MYOM3: variants seen among roughly 807,000 people sequenced by gnomAD.
MYOM3 encodes myomesin-3.
Under a neutral mutation model 191.7 loss-of-function variants are expected in MYOM3, and 155 were observed. The ratio of observed to expected loss-of-function variants is 0.81; its 90% CI spans 0.71 to 0.92. The LOEUF is 0.92. Among genes scored for constraint, MYOM3 ranks in the 40% least tolerant of loss-of-function variants. MYOM3 has a pLI of 0.00. For synonymous variants in MYOM3, 757 were observed against 762.9 expected, an observed-to-expected ratio of 0.99 and a Z score of 0.13; for missense variants, 1,889 against 1,890.6, an observed-to-expected ratio of 1.00 and a Z score of 0.02.
At chr1:24,069,292 C>T (rs1324751661) in intron 25 of MYOM3, among the ~76,000 whole-genome samples, 1 of 152,190 alleles carries the variant, frequency 6.6e-6, no homozygotes, top group Non-Finnish European at 1.5e-5. Flanking sequence ...ACTAATGAGT[C>T]CAGACTTTGT....
At chr1:24,061,175 GA>G in intron 34 of MYOM3, 93 bp from the exon 35 acceptor site, 1 of 1,606,568 alleles carries the variant, frequency 6.2e-7, no homozygotes, top group Admixed American at 1.7e-5. Flanking sequence ...AGGAAAGGTG[GA>G]GCTGGCTGGG....
At position 24,109,085 on chromosome 1, in the gene MYOM3, C is replaced by T. The variant is rs145620185; in HGVS notation, c.-18-431G>A. 3.1e-3 allele frequency among the ~76,000 whole-genome samples: 470 copies of T among 152,348 alleles called. 1 individual carries two copies. The highest frequency in any genetic ancestry group is 9.9e-3 in the African/African-American group (410 of 41,570). On this transcript the variant is annotated intron_variant, in intron 1 of 36. Transcript: ENST00000374434. ...AGGACGGGCAGGCGTCCCCATTCTT[C>T]CTGCACCGGCCATGTTCAGTCCTAC...
At chr1:24,072,666 C>G (rs1486783312) in intron 23 of MYOM3, among the ~76,000 whole-genome samples, 4 of 152,138 alleles carry the variant, frequency 2.6e-5, no homozygotes, top group Non-Finnish European at 4.4e-5. Context: ...TCCCAAGTAG[C>G]TGGGATTACA....
chr1:24,066,094 T>C, intron 28 of MYOM3, 93 bp from the exon 29 acceptor site: 2 of 820,420 alleles, frequency 2.4e-6, no homozygotes, highest in Non-Finnish European at 4.4e-6. Context: ...CTCAGTGGAG[T>C]CCTTTCACAT....
Position 24,063,643 on chromosome 1 carries a change from G to A in MYOM3, c.3623-113C>T, listed in dbSNP as rs925856479. 6 of 1,190,396 alleles carry A rather than the reference G, an allele frequency of 5.0e-6. No individual in the cohort carries two copies. In the African/African-American group the frequency reaches 7.5e-5, roughly 15 times the overall value. 73.7% of individuals were successfully genotyped at this position (1,190,396 alleles called of 1,614,324 possible). A position where few individuals can be genotyped will look rare whatever the true frequency, so the allele number is the denominator to read the frequency against. ...GGAGCCCGTGAGCTGCTCTCAGGGGGACAGGCAACTCTGTAGGATGACTCT... is the reference window on the plus strand; with the variant it reads ...GGAGCCCGTGAGCTGCTCTCAGGGGAACAGGCAACTCTGTAGGATGACTCT... On this transcript the variant is annotated intron_variant, in intron 30 of 36. Coordinates refer to ENST00000374434, the MANE Select transcript of MYOM3 (RefSeq NM_152372.4). The surrounding 1 kb of genome is among the most constrained non-coding windows in gnomAD (Gnocchi z 4.5).
rs1643539782 is a variant in MYOM3, at chr1:24,072,132, C to A, written c.2969-119G>T. ...TGGGTCAAAATTCCAAGAGACACCT[C>A]CCCCGACCTTGGGGTTCCTTGGCTC... On this transcript the variant is annotated intron_variant, in intron 23 of 36. Coordinates refer to ENST00000374434, the MANE Select transcript of MYOM3 (RefSeq NM_152372.4). The A allele has an allele frequency of 4.1e-6, 4 of 964,590 alleles. No individual in the cohort carries two copies. The Admixed American group carries it at 5.9e-5, about 14-fold the overall frequency. 59.8% of individuals were successfully genotyped at this position (964,590 alleles called of 1,614,324 possible).
At chr1:24,081,911 A>T in intron 18 of MYOM3, 90 bp downstream of exon 18, 1 of 1,278,652 alleles carries the variant, frequency 7.8e-7, no homozygotes, top group Non-Finnish European at 1.1e-6. Context: ...GACTTCTGTC[A>T]GCCTCTGTCA....
rs771374847 is a variant in MYOM3, at chr1:24,090,059, G to A, written c.1486+6C>T. 8 of 1,613,540 alleles carry A rather than the reference G, an allele frequency of 5.0e-6. No homozygotes were observed. The African/African-American group carries it at 5.3e-5, about 11-fold the overall frequency. On this transcript the variant is annotated splice_donor_region_variant and intron_variant, in intron 13 of 36. Coordinates refer to ENST00000374434, the MANE Select transcript of MYOM3 (RefSeq NM_152372.4). The stretch of plus-strand genomic sequence containing the variant: ...GAGGCCCAGTGTGTGGGAGGATCCC[G>A]CGTACCTTCAAAAGCGTCTGTGCTG...
chr1:24,095,363 T>G, intron 8 of MYOM3, 79 bp downstream of exon 8: 1 of 1,392,948 alleles, frequency 7.2e-7, no homozygotes, highest in South Asian at 1.2e-5. Flanking sequence ...ATGGCTATAT[T>G]CTAAACAGGG....
chr1:24,089,452 C>T (rs1006005933), intron 14 of MYOM3, 86 bp downstream of exon 14: 49 of 1,443,328 alleles, frequency 3.4e-5, no homozygotes, highest in African/African-American at 5.7e-5. Context: ...CATTCTCTGA[C>T]GGCCTCCCCA....
chr1:24,079,659 T>C, intron 20 of MYOM3, among the ~76,000 whole-genome samples: 1 of 152,244 alleles, frequency 6.6e-6, no homozygotes, highest in Non-Finnish European at 1.5e-5. Flanking sequence ...CAAACAAGGC[T>C]ACAAGAAGCA....
In MYOM3 at chr1:24,087,367, C is replaced by T. The variant is rs1643762905; in HGVS notation, c.1615-540G>A. On this transcript the variant is annotated intron_variant, in intron 14 of 36. Coordinates refer to ENST00000374434, the MANE Select transcript of MYOM3 (RefSeq NM_152372.4). This position sits in a 1 kb window ranked among gnomAD's most constrained non-coding sequence, Gnocchi z 4.5. ...GTCTCAAATGGCCATCAGGGGGATC[C>T]TTTTATAGCACGTGTCAGACCAGGT... 1.3e-5 allele frequency among the ~76,000 whole-genome samples: 2 copies of T among 152,102 alleles called. No homozygotes were observed. The highest frequency in any genetic ancestry group is 4.8e-5 in the African/African-American group (2 of 41,434).
chr1:24,090,185 C>A, intron 12 of MYOM3, 67 bp from the exon 13 acceptor site: 2 of 1,311,086 alleles, frequency 1.5e-6, no homozygotes, highest in Non-Finnish European at 2.2e-6. Flanking sequence ...GGAGCTACCC[C>A]ACACCAGGGT....
intron 16 of MYOM3, chr1:24,082,915 T>G (rs1360856133): frequency 5.9e-6 from 3 of 506,260 alleles, no homozygotes; most frequent in African/African-American, 2.0e-5. Flanking sequence ...CTAAGAGTTT[T>G]AAAGGATGTT....
intron 20 of MYOM3, among the ~76,000 whole-genome samples, chr1:24,077,097 A>G (rs1643610919): frequency 6.6e-6 from 1 of 152,124 alleles, no homozygotes; most frequent in Non-Finnish European, 1.5e-5. Context: ...TGCTGTGATT[A>G]CAGGTGTCAG....
chr1:24,064,628 G>C (rs1184549516), intron 29 of MYOM3, among the ~76,000 whole-genome samples: 3 of 152,222 alleles, frequency 2.0e-5, no homozygotes, highest in Non-Finnish European at 4.4e-5. Flanking sequence ...GCCCATGTTT[G>C]TCAGCCCCAA....
At chr1:24,073,861 T>TAAAA (rs55682709) in intron 23 of MYOM3, among the ~76,000 whole-genome samples, 28 of 81,512 alleles carry the variant, frequency 3.4e-4, no homozygotes, top group African/African-American at 1.3e-3. Flanking sequence ...AGACTCCGTC[T>TAAAA]AAAAAAAAAA....
Position 24,067,044 on chromosome 1 carries a change from A to G in MYOM3, c.3400T>C (p.Cys1134Arg). 1.3e-6 allele frequency: 2 copies of G among 1,577,406 alleles called. No homozygotes were observed. Among genetic ancestry groups the G allele is most frequent in the Non-Finnish European group, 8.6e-7 (1 of 1,159,548 alleles). The change falls in exon 28 of 37, where the codon TGC (cysteine) becomes CGC (arginine). Residue 1134 changes from cysteine to arginine, a missense_variant. By Grantham distance (180) the Cys-to-Arg change is radical. Transcript: ENST00000374434. Reference sequence around the variant, plus strand: ...GCCTTGCACGTCAGCTGCACTTGGCAGTCCTCCGTGACCTTCCACTGCAAC... The same window carrying G: ...GCCTTGCACGTCAGCTGCACTTGGCGGTCCTCCGTGACCTTCCACTGCAAC... ...RPLQWKVTED[C>R]QVQLTCKVTN...
chr1:24,075,276 T>C (rs745885015), intron 22 of MYOM3, 43 bp downstream of exon 22: 3 of 1,603,380 alleles, frequency 1.9e-6, no homozygotes, highest in Non-Finnish European at 8.5e-7. Context: ...CTGACAGTAT[T>C]TGGGTCCCGT....
Sources: allele counts gnomAD v4.1 joint callset (sites outside exome capture counted in the v4.1 genomes callset), GRCh38; gene constraint gnomAD v4.1.1; non-coding constraint Gnocchi (gnomAD v3.1); transcripts MANE v1.5; gene names NCBI Gene and HGNC (gene_info 2026-07-23, HGNC 2026-07-21).